CADM2: variants seen among roughly 807,000 people sequenced by gnomAD.
CADM2 encodes immunoglobulin superfamily member 4D.
CADM2 carries 12 observed loss-of-function variants against 49.8 expected under a neutral mutation model. The observed-to-expected ratio is 0.24, with a 90% CI of 0.15 to 0.39. The LOEUF (loss-of-function observed/expected upper bound fraction) is 0.39. CADM2 is among the 10% of genes least tolerant of loss of function. The pLI, the probability that CADM2 is intolerant of heterozygous loss-of-function variation, is 1.00. For synonymous variants in CADM2, 214 were observed against 175.4 expected (o/e 1.22, Z -1.74); for missense variants, 378 against 492.3 (o/e 0.77, Z 2.20).
intron 6 of CADM2, among the ~76,000 whole-genome samples, chr3:85,915,114 A>G (rs1718108885): frequency 2.0e-5 from 3 of 152,078 alleles, no homozygotes; most frequent in Admixed American, 2.0e-4. Context: ...TGCCAAGGTC[A>G]TTTTCACTAC....
At chr3:85,216,845 A>C (rs1186755104) in intron 1 of CADM2, among the ~76,000 whole-genome samples, 2 of 152,118 alleles carry the variant, frequency 1.3e-5, no homozygotes, top group Non-Finnish European at 2.9e-5. Flanking sequence ...TCTTTGTAGA[A>C]TAGGATGAGA....
rs1174561154 is a variant in CADM2 at position 85,335,051 on chromosome 3, CT to C, written c.61+375384del. The stretch of plus-strand genomic sequence containing the variant: ...AATATTTCTAGGTTGTGAAGATATA[CT>C]AAAAAAAAAGATACTAAGTAAATAA... On this transcript the variant is annotated intron_variant, in intron 1 of 9. Coordinates refer to ENST00000383699, the MANE Select transcript of CADM2 (RefSeq NM_001167675.2). Among the ~76,000 whole-genome samples, 9 of 150,844 alleles carry C rather than the reference CT, an allele frequency of 6.0e-5. No individual in the cohort carries two copies. In the Admixed American group the frequency reaches 6.0e-4, roughly 10 times the overall value.
At chr3:85,566,133 C>G (rs1257857867) in intron 1 of CADM2, among the ~76,000 whole-genome samples, 1 of 152,058 alleles carries the variant, frequency 6.6e-6, no homozygotes, top group Admixed American at 6.6e-5. Context: ...ATATTCCAAG[C>G]ATTAATTCTG....
chr3:85,883,191 C>T, intron 3 of CADM2, 100 bp from the exon 4 acceptor site: 2 of 872,238 alleles, frequency 2.3e-6, no homozygotes, highest in Non-Finnish European at 3.2e-6. Context: ...AATGTATGGC[C>T]AAAGAAAACA....
At chr3:86,055,470 T>TTG (rs1737823082) in intron 8 of CADM2, among the ~76,000 whole-genome samples, 1 of 131,992 alleles carries the variant, frequency 7.6e-6, no homozygotes, top group African/African-American at 2.9e-5. Context: ...TTTTTTTTTT[T>TTG]TTTTTTTTTG....
intron 8 of CADM2, among the ~76,000 whole-genome samples, chr3:86,008,260 A>C (rs1367315892): frequency 6.6e-6 from 1 of 152,146 alleles, no homozygotes; most frequent in Non-Finnish European, 1.5e-5. Flanking sequence ...TTATTCCTTC[A>C]TACCTGTAGC....
chr3:85,400,893 C>A (rs574407864), intron 1 of CADM2, among the ~76,000 whole-genome samples: 1 of 152,118 alleles, frequency 6.6e-6, no homozygotes, highest in Non-Finnish European at 1.5e-5. Flanking sequence ...GACATCCTTA[C>A]CTCAACTCCT....
intron 6 of CADM2, among the ~76,000 whole-genome samples, chr3:85,923,593 G>A (rs1719442392): frequency 6.6e-6 from 1 of 150,690 alleles, no homozygotes; most frequent in Non-Finnish European, 1.5e-5. Context: ...CTACAATATG[G>A]TGTTTTTGTT....
intron 1 of CADM2, among the ~76,000 whole-genome samples, chr3:85,514,756 C>T (rs77966511): frequency 0.08 from 12,191 of 152,090 alleles, 944 homozygotes; most frequent in African/African-American, 0.18. Flanking sequence ...TTTTAACCTC[C>T]ATTACCTATA....
intron 1 of CADM2, among the ~76,000 whole-genome samples, chr3:85,308,955 C>T (rs764715633): frequency 1.1e-4 from 16 of 152,116 alleles, no homozygotes; most frequent in African/African-American, 2.4e-4. Context: ...CATTTGACAA[C>T]GGACAACAGA....
rs9862826 is a variant in CADM2 at position 85,214,362 on chromosome 3, G to A, written c.61+254694G>A. ...CACAGGCACCTCTGTGGCCACCACC[G>A]TTGGTATTGCACTGAATCAGACTTG... is the stretch of plus-strand genomic sequence containing the variant. On this transcript the variant is annotated intron_variant, in intron 1 of 9. Coordinates refer to ENST00000383699, the MANE Select transcript of CADM2 (RefSeq NM_001167675.2). Among the ~76,000 whole-genome samples, 766 of 152,224 alleles carry A rather than the reference G, an allele frequency of 5.0e-3. 5 individuals are homozygous for A. The highest frequency in any genetic ancestry group is 0.027 in the Middle Eastern group (8 of 294).
intron 1 of CADM2, among the ~76,000 whole-genome samples, chr3:85,331,510 T>C (rs563901587): frequency 6.6e-6 from 1 of 151,412 alleles, no homozygotes; most frequent in South Asian, 2.1e-4. Flanking sequence ...GTGACTATTG[T>C]CACTAAAAGT....
chr3:85,313,096 A>C (rs113383880), intron 1 of CADM2, among the ~76,000 whole-genome samples: 2 of 152,180 alleles, frequency 1.3e-5, no homozygotes, highest in African/African-American at 4.8e-5. Flanking sequence ...AGTTCATGTT[A>C]ATAATCAAAT....
chr3:85,912,666 G>A (rs928012596), intron 6 of CADM2, 123 bp downstream of exon 6: 13 of 894,738 alleles, frequency 1.5e-5, no homozygotes, highest in Non-Finnish European at 2.2e-5. Context: ...GCAAAATGAA[G>A]TAAAACTACA....
At chr3:85,930,726 C>T (rs1033465551) in intron 6 of CADM2, among the ~76,000 whole-genome samples, 4 of 151,816 alleles carry the variant, frequency 2.6e-5, no homozygotes, top group Non-Finnish European at 5.9e-5. Flanking sequence ...TTCTGTGCCT[C>T]GCTTATTTCA....
intron 2 of CADM2, among the ~76,000 whole-genome samples, chr3:85,764,749 TTAA>T (rs2069572293): frequency 1.3e-5 from 2 of 152,074 alleles, no homozygotes. Flanking sequence ...TCCTAGATGA[TTAA>T]TAATAATTGT....
intron 1 of CADM2, among the ~76,000 whole-genome samples, chr3:85,367,564 C>A (rs1270914861): frequency 6.6e-6 from 1 of 151,616 alleles, no homozygotes; most frequent in Non-Finnish European, 1.5e-5. Context: ...AATAAGAGGT[C>A]ATTAAATATT....
intron 1 of CADM2, among the ~76,000 whole-genome samples, chr3:85,108,336 G>A (rs2038324190): frequency 2.0e-5 from 3 of 152,200 alleles, no homozygotes; most frequent in Admixed American, 1.3e-4. Flanking sequence ...ATAAAATGTG[G>A]TGTATGCATA....
At chr3:85,626,762 A>G (rs1172367152) in intron 1 of CADM2, among the ~76,000 whole-genome samples, 1 of 152,008 alleles carries the variant, frequency 6.6e-6, no homozygotes, top group Non-Finnish European at 1.5e-5. Context: ...ATTGTTAATG[A>G]TCCCACATTT....
Sources: allele counts gnomAD v4.1 joint callset (sites outside exome capture counted in the v4.1 genomes callset), GRCh38; gene constraint gnomAD v4.1.1; transcripts MANE v1.5; gene names NCBI Gene and HGNC (gene_info 2026-07-23, HGNC 2026-07-21).